The following RILPL1 variants were observed in gnomAD, a reference collection of about 807,000 sequenced individuals.
RILPL1 encodes the protein RILP-like protein 1.
RILPL1 carries 33 observed loss-of-function variants against 50.3 expected under a neutral mutation model. The ratio of observed to expected loss-of-function variants is 0.66; its 90% confidence interval spans 0.50 to 0.88. RILPL1 has a LOEUF of 0.88. Ranked by LOEUF, RILPL1 falls within the 40% of genes least tolerant of loss-of-function variation. The probability of loss-of-function intolerance (pLI) is 0.00; values close to 1 mark genes in which losing one functional copy is unlikely to be tolerated. For synonymous variants in RILPL1, 205 were observed against 228.6 expected, an observed-to-expected ratio of 0.90 and a Z score of 0.93; for missense variants, 418 against 542.5, an observed-to-expected ratio of 0.77 and a Z score of 2.28.
chr12:123,510,135 C>T (rs1389049601), intron 2 of RILPL1, among the ~76,000 whole-genome samples: 1 of 152,238 alleles, frequency 6.6e-6, no homozygotes, highest in Non-Finnish European at 1.5e-5. Flanking sequence ...CAAGCCGGGC[C>T]CCCCGCTTGC....
intron 1 of RILPL1, among the ~76,000 whole-genome samples, chr12:123,529,160 CCTT>C (rs1447701160): frequency 1.3e-5 from 2 of 152,178 alleles, no homozygotes; most frequent in Non-Finnish European, 2.9e-5. Context: ...TGGATCCTAT[CCTT>C]CATTCAGATC....
intron 2 of RILPL1, among the ~76,000 whole-genome samples, chr12:123,521,680 TATATAC>T (rs1199795231): frequency 2.3e-4 from 9 of 38,674 alleles, no homozygotes; most frequent in African/African-American, 7.8e-4. Context: ...TAAATATATA[TATATAC>T]ACACATATAT....
chr12:123,488,693 G>A (rs972812702), intron 4 of RILPL1, among the ~76,000 whole-genome samples: 8 of 152,148 alleles, frequency 5.3e-5, no homozygotes, highest in Non-Finnish European at 1.2e-4. Context: ...GGCCCAGGTT[G>A]GGGGAGCAAG....
At chr12:123,505,950 G>C (rs189341986) in intron 2 of RILPL1, among the ~76,000 whole-genome samples, 1 of 152,180 alleles carries the variant, frequency 6.6e-6, no homozygotes, top group Admixed American at 6.5e-5. Flanking sequence ...AGCACCTTCT[G>C]TGTACATGAC....
At chr12:123,499,618 C>G in intron 2 of RILPL1, 82 bp from the exon 3 acceptor site, 3 of 1,114,140 alleles carry the variant, frequency 2.7e-6, no homozygotes, top group Non-Finnish European at 4.0e-6. Context: ...GAGGATGAAA[C>G]TGAGGTCTTA....
At chr12:123,500,695 C>CT (rs139836008) in intron 2 of RILPL1, among the ~76,000 whole-genome samples, 1 of 152,148 alleles carries the variant, frequency 6.6e-6, no homozygotes, top group Non-Finnish European at 1.5e-5. Context: ...GAGCTAGCCT[C>CT]TTTATGCCTC....
intron 2 of RILPL1, among the ~76,000 whole-genome samples, 151 bp from the exon 3 acceptor site, chr12:123,499,687 C>T (rs1328875234): frequency 6.6e-6 from 1 of 152,126 alleles, no homozygotes; most frequent in Admixed American, 6.6e-5. Context: ...ACGCCCTTCG[C>T]CCTCCCCGGT....
At chr12:123,521,680 TATATACAC>T in intron 2 of RILPL1, among the ~76,000 whole-genome samples, 2 of 38,688 alleles carry the variant, frequency 5.2e-5, no homozygotes, top group African/African-American at 8.7e-5. Context: ...TAAATATATA[TATATACAC>T]ACATATATGT....
chr12:123,501,687 G>T (rs1408897369), intron 2 of RILPL1, among the ~76,000 whole-genome samples: 2 of 151,010 alleles, frequency 1.3e-5, no homozygotes, highest in African/African-American at 4.9e-5. Context: ...TTGAACCCGG[G>T]AGGCGGAGGT....
intron 6 of RILPL1, among the ~76,000 whole-genome samples, chr12:123,478,052 A>G (rs1403551652): frequency 7.8e-6 from 1 of 127,706 alleles, no homozygotes; most frequent in Non-Finnish European, 1.5e-5. Flanking sequence ...GCTGGAGTGC[A>G]GTGGTGCAAT....
At chr12:123,481,128 G>A (rs1168074969) in intron 6 of RILPL1, among the ~76,000 whole-genome samples, 2 of 152,092 alleles carry the variant, frequency 1.3e-5, no homozygotes, top group African/African-American at 2.4e-5. Context: ...AGGCCGAGGC[G>A]GGTGGATCAC....
chr12:123,525,560 G>A (rs768135224), intron 1 of RILPL1, among the ~76,000 whole-genome samples: 1 of 151,312 alleles, frequency 6.6e-6, no homozygotes, highest in Non-Finnish European at 1.5e-5. Context: ...AATTAGCCGG[G>A]TGTGGTGGCA....
At chr12:123,478,292 C>T (rs1418286091) in intron 6 of RILPL1, among the ~76,000 whole-genome samples, 2 of 152,030 alleles carry the variant, frequency 1.3e-5, no homozygotes, top group East Asian at 1.9e-4. Flanking sequence ...TGAACCACCG[C>T]GCCTGGCCCT....
chr12:123,492,237 AT>A (rs1882746749), intron 4 of RILPL1, among the ~76,000 whole-genome samples: 1 of 103,414 alleles, frequency 9.7e-6, no homozygotes, highest in African/African-American at 5.0e-5. Flanking sequence ...AAAAAAAAAT[AT>A]ATATATATAC....
intron 2 of RILPL1, among the ~76,000 whole-genome samples, chr12:123,510,073 TG>T (rs1422091113): frequency 6.6e-6 from 1 of 152,050 alleles, no homozygotes. Flanking sequence ...TGTCAGCAGG[TG>T]GCCGCAGGAG....
rs544661932 is a variant in RILPL1 at position 123,518,430 on chromosome 12, C to A, written c.460+5065G>T. The A allele has an allele frequency of 1.5e-5, 5 of 342,688 alleles. No homozygotes were observed. The East Asian group carries it at 5.3e-4, about 37-fold the overall frequency. The allele number at this position is 342,688 out of a possible 1,614,324, so 21.2% of individuals were successfully genotyped here. On this transcript the variant is annotated intron_variant, in intron 2 of 6. Coordinates refer to ENST00000376874, the MANE Select transcript of RILPL1 (RefSeq NM_178314.5). ...ACTGAGGTGGGAGAATCTTTTGAGCCTGGGAGGTTGAGGCTATGGTGAACT... is the reference window on the plus strand; with the variant it reads ...ACTGAGGTGGGAGAATCTTTTGAGCATGGGAGGTTGAGGCTATGGTGAACT...
chr12:123,475,339 A>G (rs946892798), intron 6 of RILPL1: 4 of 343,898 alleles, frequency 1.2e-5, no homozygotes, highest in African/African-American at 8.2e-5. Context: ...TCACTCGGGG[A>G]CCGCAGTGGG....
At chr12:123,500,761 G>A (rs1292191043) in intron 2 of RILPL1, among the ~76,000 whole-genome samples, 1 of 152,130 alleles carries the variant, frequency 6.6e-6, no homozygotes, top group Non-Finnish European at 1.5e-5. Context: ...TAGGGCTGTT[G>A]TGAGGATTGA....
At chr12:123,486,326 A>T (rs528434970) in intron 4 of RILPL1, among the ~76,000 whole-genome samples, 1 of 152,160 alleles carries the variant, frequency 6.6e-6, no homozygotes, top group Non-Finnish European at 1.5e-5. Flanking sequence ...GGCTTTGAGT[A>T]TCTGGAGTTC....
Sources: gnomAD v4.1 joint callset for allele counts (sites outside exome capture counted in the v4.1 genomes callset) on GRCh38, gnomAD v4.1.1 for gene constraint, MANE v1.5 for transcripts, NCBI Gene and HGNC (gene_info 2026-07-23, HGNC 2026-07-21) for gene names.